Variants in RNF152 observed in about 807,000 individuals in gnomAD.
RNF152 encodes the protein E3 ubiquitin-protein ligase RNF152.
In RNF152, 11 loss-of-function variants were observed where a neutral mutation model predicts 12.7. The observed-to-expected ratio is 0.86, with a 90% CI of 0.54 to 1.43. RNF152 has a LOEUF of 1.43. Ranked by LOEUF, RNF152 falls within the 40% of genes most tolerant of loss-of-function variation. The probability of loss-of-function intolerance (pLI) is 0.00; values close to 1 mark genes in which losing one functional copy is unlikely to be tolerated. For missense variants in RNF152, 255 were observed against 274.8 expected (o/e 0.93, Z 0.51); for synonymous variants, 113 against 120.3 (o/e 0.94, Z 0.40).
intron 1 of RNF152, among the ~76,000 whole-genome samples, chr18:61,869,322 A>G: frequency 6.6e-6 from 1 of 152,216 alleles, no homozygotes; most frequent in East Asian, 1.9e-4. Flanking sequence ...TCAAGTGTTC[A>G]AAGAAAACTG....
intron 1 of RNF152, among the ~76,000 whole-genome samples, chr18:61,844,078 G>A (rs1479951632): frequency 0.021 from 166 of 8,044 alleles, 1 homozygote; most frequent in African/African-American, 0.06. Flanking sequence ...AGAAAGAAAG[G>A]AAAGAAAGAA....
chr18:61,832,316 G>A (rs749283146), intron 1 of RNF152, among the ~76,000 whole-genome samples: 5 of 151,960 alleles, frequency 3.3e-5, no homozygotes, highest in Admixed American at 6.6e-5. Context: ...TGTTTTAAGC[G>A]CACATGTATA....
At chr18:61,881,720 C>G (rs1328217781) in intron 1 of RNF152, among the ~76,000 whole-genome samples, 1 of 152,154 alleles carries the variant, frequency 6.6e-6, no homozygotes, top group Non-Finnish European at 1.5e-5. Flanking sequence ...TCATTGCAAA[C>G]TAGATTTGCC....
rs192712390 is a variant in RNF152 at position 61,857,331 on chromosome 18, A to T, written c.-136+35464T>A. ...CTTCAACGCCTGCTCTGGAAACCAC[A>T]CACTATGTCCACATGATTTTATTTT... On this transcript the variant is annotated intron_variant, in intron 1 of 1. Coordinates refer to ENST00000312828, the MANE Select transcript of RNF152 (RefSeq NM_173557.3). Among the ~76,000 whole-genome samples, 7 of 152,314 alleles carry T rather than the reference A, an allele frequency of 4.6e-5. No homozygotes were observed. The East Asian group carries it at 1.3e-3, about 29-fold the overall frequency.
At chr18:61,866,401 T>C (rs1412883812) in intron 1 of RNF152, among the ~76,000 whole-genome samples, 2 of 152,160 alleles carry the variant, frequency 1.3e-5, no homozygotes, top group Admixed American at 6.5e-5. Flanking sequence ...GTTCAAACAC[T>C]ACCCCAAGCT....
chr18:61,862,838 C>T lies in RNF152; in HGVS notation c.-136+29957G>A, dbSNP rs567925508. On this transcript the variant is annotated intron_variant, in intron 1 of 1. Transcript: ENST00000312828. ...GTGGGTCAGAAGTTCCGAGGAGGCC[C>T]AGACTTATCATTGGTGTGTGGGTAG... Among the ~76,000 whole-genome samples, 388 of 152,256 alleles carry T rather than the reference C, an allele frequency of 2.5e-3. 1 individual carries two copies. The highest frequency in any genetic ancestry group is 8.5e-3 in the African/African-American group (352 of 41,558).
rs1910850423 is a variant in RNF152, at chr18:61,848,977, C to A, written c.-135-32379G>T. On this transcript the variant is annotated intron_variant, in intron 1 of 1. Coordinates refer to ENST00000312828, the MANE Select transcript of RNF152 (RefSeq NM_173557.3). ...ACCAATAGCCCGTGGAGATCCTGGA[C>A]TCTGCACCAGCCCAGGGGAGAACAG... 3.3e-5 allele frequency among the ~76,000 whole-genome samples: 5 copies of A among 152,256 alleles called. No individual in the cohort carries two copies. The South Asian group carries it at 1.0e-3, about 32-fold the overall frequency.
At chr18:61,821,366 A>G (rs1909401002) in intron 1 of RNF152, among the ~76,000 whole-genome samples, 1 of 152,236 alleles carries the variant, frequency 6.6e-6, no homozygotes, top group South Asian at 2.1e-4. Context: ...TTTGTTCTAC[A>G]TGAAGCCAGC....
At chr18:61,847,132 G>C (rs1473542357) in intron 1 of RNF152, among the ~76,000 whole-genome samples, 4 of 151,928 alleles carry the variant, frequency 2.6e-5, no homozygotes, top group Non-Finnish European at 5.9e-5. Context: ...GAGCAACTGT[G>C]ACATTGCCAC....
At chr18:61,817,900 T>C (rs1909189475) in intron 1 of RNF152, among the ~76,000 whole-genome samples, 1 of 152,080 alleles carries the variant, frequency 6.6e-6, no homozygotes, top group Admixed American at 6.5e-5. Context: ...AAATTATGTG[T>C]CCCTGGATGG....
In RNF152 at chr18:61,851,141, C is replaced by G. The variant is rs539647993; in HGVS notation, c.-135-34543G>C. On this transcript the variant is annotated intron_variant, in intron 1 of 1. Transcript: ENST00000312828. The stretch of plus-strand genomic sequence containing the variant: ...TCTGACTGTGGTTGGTGCAAATAAA[C>G]CATTTCAGGTCTTACCTTTCTGACC... Among the ~76,000 whole-genome samples the G allele has an allele frequency of 1.7e-3, 251 of 150,838 alleles. 1 individual carries two copies. Among genetic ancestry groups the G allele is most frequent in the African/African-American group, 6.0e-3 (245 of 40,932 alleles).
intron 1 of RNF152, among the ~76,000 whole-genome samples, chr18:61,868,088 G>A (rs1400729570): frequency 6.6e-6 from 1 of 152,140 alleles, no homozygotes; most frequent in Non-Finnish European, 1.5e-5. Flanking sequence ...GGTAATGTGT[G>A]CAGCTGGGCT....
intron 1 of RNF152, among the ~76,000 whole-genome samples, chr18:61,845,529 T>C (rs567451520): frequency 6.6e-6 from 1 of 152,304 alleles, no homozygotes; most frequent in South Asian, 2.1e-4. Flanking sequence ...AAATTTATAG[T>C]CAAAACAGTT....
chr18:61,853,840 AGTTCCAAGGATGAG>A (rs1047449656), intron 1 of RNF152, among the ~76,000 whole-genome samples: 1 of 152,188 alleles, frequency 6.6e-6, no homozygotes, highest in Non-Finnish European at 1.5e-5. Context: ...CATATTCACA[AGTTCCAAGGATGAG>A]GTTCCAAGGA....
chr18:61,818,567 G>A (rs1311618728), intron 1 of RNF152, among the ~76,000 whole-genome samples: 1 of 152,212 alleles, frequency 6.6e-6, no homozygotes, highest in Non-Finnish European at 1.5e-5. Context: ...TTAAGTTACT[G>A]AAAGTGAAAT....
At chr18:61,821,810 C>T (rs1171876277) in intron 1 of RNF152, among the ~76,000 whole-genome samples, 3 of 152,198 alleles carry the variant, frequency 2.0e-5, no homozygotes, top group Non-Finnish European at 4.4e-5. Flanking sequence ...CTGTGAACTT[C>T]ACATGCAAGG....
chr18:61,816,410 G>A lies in RNF152; in HGVS notation c.54C>T (p.Tyr18=). ...SLLECQICFN[Y]YSPRRRPKLL... ...ACTTGGGCCTGCGCCGGGGGCTGTA[G>A]TAATTGAAACAGATCTGACATTCCA... is the stretch of plus-strand genomic sequence containing the variant. The change falls in exon 2 of 2, where the codon TAC becomes TAT. Residue 18 remains tyrosine (Y), a synonymous_variant. Transcript: ENST00000312828. 1 of 1,613,838 alleles carries A rather than the reference G, an allele frequency of 6.2e-7. No individual in the cohort carries two copies. Among genetic ancestry groups the A allele is most frequent in the Non-Finnish European group, 8.5e-7 (1 of 1,179,844 alleles).
chr18:61,863,116 T>C (rs1309795807), intron 1 of RNF152, among the ~76,000 whole-genome samples: 1 of 152,146 alleles, frequency 6.6e-6, no homozygotes, highest in African/African-American at 2.4e-5. Context: ...ACCAAATGTG[T>C]TGCCCGTAAA....
chr18:61,866,158 C>T lies in RNF152; in HGVS notation c.-136+26637G>A, dbSNP rs1352274842. On this transcript the variant is annotated intron_variant, in intron 1 of 1. Coordinates refer to ENST00000312828, the MANE Select transcript of RNF152 (RefSeq NM_173557.3). ...AGGGCCCCACCCCCTGTGGTAACCC[C>T]TGCCCAAATCATCACAAAGCCCAGC... Among the ~76,000 whole-genome samples, 3 of 152,160 alleles carry T rather than the reference C, an allele frequency of 2.0e-5. No individual in the cohort carries two copies. In the South Asian group the frequency reaches 6.2e-4, roughly 32 times the overall value.
Sources: allele counts gnomAD v4.1 joint callset (sites outside exome capture counted in the v4.1 genomes callset), GRCh38; gene constraint gnomAD v4.1.1; transcripts MANE v1.5; gene names NCBI Gene and HGNC (gene_info 2026-07-23, HGNC 2026-07-21).